NHS: variants seen among roughly 807,000 people sequenced by gnomAD.
NHS encodes actin remodeling regulator NHS.
NHS carries 5 observed loss-of-function variants against 72.5 expected under a neutral mutation model. That is an observed-to-expected ratio of 0.07 (90% confidence interval 0.04 to 0.14). The LOEUF (loss-of-function observed/expected upper bound fraction) is 0.14, where lower values mean the gene tolerates loss of function less well. Among genes scored for constraint, NHS ranks in the 10% least tolerant of loss-of-function variants. The pLI, the probability that NHS is intolerant of heterozygous loss-of-function variation, is 1.00. For synonymous variants in NHS, 464 were observed against 547.7 expected, an observed-to-expected ratio of 0.85 and a Z score of 2.13; for missense variants, 1,072 against 1,355.7, an observed-to-expected ratio of 0.79 and a Z score of 3.29.
At chrX:17,427,586 T>C (rs1486764622) in intron 1 of NHS, among the ~76,000 whole-genome samples, 2 of 112,378 alleles carry the variant, frequency 1.8e-5, no homozygotes, top group Non-Finnish European at 3.8e-5. Context: ...GTTTGGTCCA[T>C]TGAGTCTGCC....
intron 1 of NHS, among the ~76,000 whole-genome samples, chrX:17,381,858 C>G (rs1037454394): frequency 8.9e-6 from 1 of 112,519 alleles, no homozygotes; most frequent in African/African-American, 3.2e-5. Context: ...GTTTTCTACA[C>G]TGGTTGTACC....
At chrX:17,723,770 T>TGTGTGTGTGTGTGTGCGCGCGC (rs541219770) in intron 5 of NHS, among the ~76,000 whole-genome samples, 1 of 91,337 alleles carries the variant, frequency 1.1e-5, no homozygotes, top group African/African-American at 5.1e-5. Flanking sequence ...TGTGTGTGTG[T>TGTGTGTGTGTGTGTGCGCGCGC]GCGCGCGCGT....
intron 1 of NHS, among the ~76,000 whole-genome samples, chrX:17,444,174 A>G (rs2064768631): frequency 9.0e-6 from 1 of 111,587 alleles, no homozygotes; most frequent in Non-Finnish European, 1.9e-5. Flanking sequence ...GGATCTGGAA[A>G]CTCATTGTGT....
intron 1 of NHS, among the ~76,000 whole-genome samples, chrX:17,555,222 C>T (rs982877583): frequency 3.9e-5 from 4 of 102,837 alleles, no homozygotes; most frequent in Non-Finnish European, 7.8e-5. Flanking sequence ...GGGCTGGCAG[C>T]GGGTTATTTT....
intron 1 of NHS, among the ~76,000 whole-genome samples, chrX:17,449,849 T>C (rs978519986): frequency 3.6e-5 from 4 of 111,947 alleles, no homozygotes; most frequent in Non-Finnish European, 5.6e-5. Context: ...TTTTTATTTG[T>C]ATTTTGGCTT....
At chrX:17,657,582 A>G (rs2065962987) in intron 1 of NHS, among the ~76,000 whole-genome samples, 2 of 112,232 alleles carry the variant, frequency 1.8e-5, no homozygotes. Context: ...TCAGGTCTCA[A>G]GGCAAGGCAG....
At position 17,561,564 on chromosome X, in the gene NHS, GCGCGCGCGCGCACACA is replaced by G. The variant is rs1472749529; in HGVS notation, c.566-126176_566-126161del. Among the ~76,000 whole-genome samples, 308 of 66,738 alleles carry G rather than the reference GCGCGCGCGCGCACACA, an allele frequency of 4.6e-3. 4 individuals carry two copies. In the East Asian group the frequency reaches 0.068, roughly 15 times the overall value. 58.0% of individuals were successfully genotyped at this position (66,738 alleles called of 115,157 possible). On this transcript the variant is annotated intron_variant, in intron 1 of 8. Coordinates refer to ENST00000676302, the MANE Select transcript of NHS (RefSeq NM_001291867.2). ...TTCACACATGCAAGTGCATGCGCGC[GCGCGCGCGCGCACACA>G]CACACACACACACACACACACACAC... is the stretch of plus-strand genomic sequence containing the variant.
At chrX:17,690,493 G>A (rs1214587356) in intron 2 of NHS, among the ~76,000 whole-genome samples, 1 of 112,331 alleles carries the variant, frequency 8.9e-6, no homozygotes, top group African/African-American at 3.2e-5. Context: ...AGACTGTAAG[G>A]AGAGAGCTGG....
intron 1 of NHS, among the ~76,000 whole-genome samples, chrX:17,416,024 T>C (rs1179359428): frequency 9.0e-6 from 1 of 111,354 alleles, no homozygotes; most frequent in East Asian, 2.8e-4. Context: ...GTGTGGACTT[T>C]TTCCTCGGTT....
intron 1 of NHS, among the ~76,000 whole-genome samples, chrX:17,665,318 A>AT (rs34661609): frequency 0.052 from 2,855 of 54,670 alleles, 779 homozygotes; most frequent in African/African-American, 0.12. Context: ...TTACCTATAG[A>AT]TTTTTTTTTT....
intron 3 of NHS, among the ~76,000 whole-genome samples, chrX:17,699,924 C>T (rs1366630940): frequency 9.0e-6 from 1 of 110,966 alleles, no homozygotes; most frequent in Non-Finnish European, 1.9e-5. Flanking sequence ...TTTTGCATGC[C>T]CAAACACCGT....
At position 17,690,216 on chromosome X, in the gene NHS, A is replaced by G. The variant is rs186873069; in HGVS notation, c.719-2119A>G. Among the ~76,000 whole-genome samples the G allele has an allele frequency of 8.0e-4, 90 of 112,821 alleles. 1 individual carries two copies. The East Asian group carries it at 0.017, about 21-fold the overall frequency. On this transcript the variant is annotated intron_variant, in intron 2 of 8. Transcript: ENST00000676302. The stretch of plus-strand genomic sequence containing the variant: ...ACATGCAGTGTAGAATTAAAATTAG[A>G]AAGTGACTTTTTTTTTAACCTTGTC...
chrX:17,398,831 C>T (rs2064488715), intron 1 of NHS, among the ~76,000 whole-genome samples: 1 of 112,028 alleles, frequency 8.9e-6, no homozygotes, highest in Admixed American at 9.4e-5. Context: ...ATCACGAGAC[C>T]AGTTAACACT....
At chrX:17,610,648 G>GAGCC (rs1356750369) in intron 1 of NHS, among the ~76,000 whole-genome samples, 1 of 112,285 alleles carries the variant, frequency 8.9e-6, no homozygotes, top group African/African-American at 3.2e-5. Context: ...TTCAACTACA[G>GAGCC]AGATTTAGCT....
At chrX:17,620,473 C>T (rs983696003) in intron 1 of NHS, among the ~76,000 whole-genome samples, 3 of 111,218 alleles carry the variant, frequency 2.7e-5, no homozygotes, top group Non-Finnish European at 3.8e-5. Flanking sequence ...GAGTCTGTTT[C>T]TAGGTGCTGG....
intron 1 of NHS, among the ~76,000 whole-genome samples, chrX:17,578,788 C>CT (rs1244234237): frequency 1.8e-5 from 2 of 112,134 alleles, no homozygotes; most frequent in African/African-American, 3.2e-5. Flanking sequence ...AAAGAAAAAC[C>CT]TGTTTACAAC....
intron 1 of NHS, among the ~76,000 whole-genome samples, chrX:17,670,462 G>A: frequency 8.9e-6 from 1 of 112,317 alleles, no homozygotes. Context: ...CACTAACAGG[G>A]GTCTGTGCTA....
At chrX:17,601,006 AG>A (rs1345572723) in intron 1 of NHS, among the ~76,000 whole-genome samples, 1 of 112,116 alleles carries the variant, frequency 8.9e-6, no homozygotes. Flanking sequence ...GACTGGTTTC[AG>A]GGTACGGAGA....
At chrX:17,604,176 G>A (rs2065666890) in intron 1 of NHS, among the ~76,000 whole-genome samples, 2 of 107,353 alleles carry the variant, frequency 1.9e-5, no homozygotes, top group Admixed American at 2.0e-4. Flanking sequence ...ATGGTACATT[G>A]CTTTAATAAA....
Sources: gnomAD v4.1 joint callset for allele counts (sites outside exome capture counted in the v4.1 genomes callset) on GRCh38, gnomAD v4.1.1 for gene constraint, MANE v1.5 for transcripts, NCBI Gene and HGNC (gene_info 2026-07-23, HGNC 2026-07-21) for gene names.